BCL7C: variants seen among roughly 807,000 people sequenced by gnomAD.
BCL7C encodes the protein B-cell CLL/lymphoma 7 protein family member C.
A neutral mutation model predicts 26.2 loss-of-function variants in BCL7C; 8 were observed. That is an observed-to-expected ratio of 0.30 (90% confidence interval 0.18 to 0.55). BCL7C has a LOEUF of 0.55. BCL7C is among the 20% of genes least tolerant of loss of function. The pLI, the probability that BCL7C is intolerant of heterozygous loss-of-function variation, is 0.93. For missense variants in BCL7C, 262 were observed against 298.5 expected (o/e 0.88, Z 0.90); for synonymous variants, 90 against 116.5 (o/e 0.77, Z 1.47).
At position 30,892,623 on chromosome 16, in the gene BCL7C, A is replaced by G; in HGVS notation, c.405T>C (p.Pro135=). 6.2e-7 allele frequency: 1 copy of G among 1,603,910 alleles called. No individual in the cohort carries two copies. Among genetic ancestry groups the G allele is most frequent in the Non-Finnish European group, 8.5e-7 (1 of 1,176,214 alleles). Residue 135 remains proline (P), a synonymous_variant, in exon 4 of 6, where the codon CCT becomes CCC. Coordinates refer to ENST00000215115, the MANE Select transcript of BCL7C (RefSeq NM_004765.4). ...CCAGCCGTGGGGGCTGAGCCTCCTC[A>G]GGGACCCCTTCTGGGGGTCCGGCAG... ...VSPAGPPEGV[P]EEAQPPRLGQ...
At chr16:30,887,758 C>G (rs1310473810), downstream of BCL7C, 4 of 1,472,258 alleles carry the variant, frequency 2.7e-6, no homozygotes, top group Admixed American at 2.5e-5. Flanking sequence ...TCCAAAGACC[C>G]TCCCCAGCCC....
chr16:30,857,677 C>T (rs777234296), intron 5 of BCL7C, among the ~76,000 whole-genome samples: 6 of 151,928 alleles, frequency 3.9e-5, no homozygotes, highest in African/African-American at 1.5e-4. Flanking sequence ...TCTTGAAAAA[C>T]CATGCCTTGG....
At chr16:30,867,493 G>A (rs546139386) in intron 5 of BCL7C, among the ~76,000 whole-genome samples, 1 of 152,174 alleles carries the variant, frequency 6.6e-6, no homozygotes, top group African/African-American at 2.4e-5. Flanking sequence ...TTATCCAGGG[G>A]GGCACAATGT....
At position 30,893,331 on chromosome 16, in the gene BCL7C, G is replaced by C. The variant is rs1333519140; in HGVS notation, c.93-41C>G. ...GGGCTGGGTCAGAGAGGCCTGAGGGGAGACCCACCCCCCTAGGAGCTGGAC... is the reference window on the plus strand; with the variant it reads ...GGGCTGGGTCAGAGAGGCCTGAGGGCAGACCCACCCCCCTAGGAGCTGGAC... On this transcript the variant is annotated intron_variant, in intron 1 of 5. Transcript: ENST00000215115. This position sits in a 1 kb window ranked among gnomAD's most constrained non-coding sequence, Gnocchi z 5.2. 1 of 1,552,068 alleles carries C rather than the reference G, an allele frequency of 6.4e-7. No individual in the cohort carries two copies. Among genetic ancestry groups the C allele is most frequent in the Non-Finnish European group, 8.9e-7 (1 of 1,129,842 alleles).
At chr16:30,853,352 G>A (rs769891889) in intron 5 of BCL7C, among the ~76,000 whole-genome samples, 12 of 151,908 alleles carry the variant, frequency 7.9e-5, no homozygotes, top group Non-Finnish European at 1.3e-4. Context: ...CAAGATCATC[G>A]AGATCACTGT....
At chr16:30,879,128 T>G (rs2055000243) in intron 5 of BCL7C, among the ~76,000 whole-genome samples, 1 of 152,156 alleles carries the variant, frequency 6.6e-6, no homozygotes, top group Non-Finnish European at 1.5e-5. Flanking sequence ...GCCATCCCAG[T>G]TTGCTCAAGA....
chr16:30,856,497 T>C (rs1200656396), intron 5 of BCL7C, among the ~76,000 whole-genome samples: 2 of 150,230 alleles, frequency 1.3e-5, no homozygotes, highest in Non-Finnish European at 3.0e-5. Flanking sequence ...CCCTCCTCCC[T>C]AGGCTTTGTT....
chr16:30,848,522 A>G (rs1417402718), intron 5 of BCL7C, among the ~76,000 whole-genome samples: 1 of 152,214 alleles, frequency 6.6e-6, no homozygotes, highest in African/African-American at 2.4e-5. Context: ...CTAGGAACAA[A>G]GTAGATGGGC....
chr16:30,866,364 G>C, intron 5 of BCL7C, among the ~76,000 whole-genome samples: 1 of 152,102 alleles, frequency 6.6e-6, no homozygotes, highest in East Asian at 1.9e-4. Context: ...ATCACTTGAG[G>C]TCAGGAGTTT....
At chr16:30,886,752 G>A (rs897363216), downstream of BCL7C, among the ~76,000 whole-genome samples, 1 of 152,188 alleles carries the variant, frequency 6.6e-6, no homozygotes, top group African/African-American at 2.4e-5. Context: ...ATTGAGATGG[G>A]GATAAGTTAG....
intron 5 of BCL7C, among the ~76,000 whole-genome samples, chr16:30,850,278 G>A (rs1289523748): frequency 6.6e-6 from 1 of 151,750 alleles, no homozygotes; most frequent in Admixed American, 6.6e-5. Context: ...GGGATTACAG[G>A]CATGAGCCAC....
Position 30,834,793 on chromosome 16 carries a change from C to A in BCL7C, c.*155G>T. The A allele has an allele frequency of 1.4e-6, 1 of 697,722 alleles. No individual in the cohort carries two copies. The allele number at this position is 697,722 out of a possible 1,614,324, so 43.2% of individuals were successfully genotyped here. ...GTGGCGAGCCAGATGGGTGCTGTGGCCTTAGGTTCGGGCAGGTGTGGGGCC... is the reference window on the plus strand; with the variant it reads ...GTGGCGAGCCAGATGGGTGCTGTGGACTTAGGTTCGGGCAGGTGTGGGGCC... On this transcript the variant is annotated 3_prime_UTR_variant, in exon 6 of 6. Coordinates refer to the BCL7C transcript ENST00000380317. The surrounding 1 kb of genome is among the most constrained non-coding windows in gnomAD (Gnocchi z 4.3).
At chr16:30,867,373 G>A (rs956835211) in intron 5 of BCL7C, among the ~76,000 whole-genome samples, 4 of 152,094 alleles carry the variant, frequency 2.6e-5, no homozygotes, top group Non-Finnish European at 5.9e-5. Context: ...TTATTCTGAT[G>A]TCCTAAAATT....
rs1212637024 is a variant in BCL7C at position 30,889,016 on chromosome 16, CAG to C, written c.443-73_443-72del. On this transcript the variant is annotated intron_variant, in intron 4 of 5. Coordinates refer to ENST00000215115, the MANE Select transcript of BCL7C (RefSeq NM_004765.4). ...CCAGCAGCACAGACAGTGGGGGAAACAGATGGTCACAGGCCCCAGTCACAGAG... is the reference window on the plus strand; with the variant it reads ...CCAGCAGCACAGACAGTGGGGGAAACATGGTCACAGGCCCCAGTCACAGAG... The C allele has an allele frequency of 6.3e-6, 9 of 1,422,210 alleles. No individual in the cohort carries two copies. In the African/African-American group the frequency reaches 1.3e-4, roughly 20 times the overall value. 88.1% of individuals were successfully genotyped at this position (1,422,210 alleles called of 1,614,324 possible). A position where few individuals can be genotyped will look rare whatever the true frequency, so the allele number is the denominator to read the frequency against.
chr16:30,867,910 G>C (rs2054843129), intron 5 of BCL7C, among the ~76,000 whole-genome samples: 1 of 152,018 alleles, frequency 6.6e-6, no homozygotes, highest in Non-Finnish European at 1.5e-5. Flanking sequence ...TGGAGGGAGG[G>C]GCCTCTGGAA....
chr16:30,835,215 A>C (rs1377179081), intron 5 of BCL7C: 4 of 1,347,812 alleles, frequency 3.0e-6, no homozygotes, highest in Admixed American at 3.2e-5. Flanking sequence ...GTTTCCACCA[A>C]CTTGTCCCAT....
At chr16:30,878,229 A>G (rs1036107256) in intron 5 of BCL7C, among the ~76,000 whole-genome samples, 78 of 149,944 alleles carry the variant, frequency 5.2e-4, no homozygotes, top group African/African-American at 1.9e-3. Flanking sequence ...CATGATACCA[A>G]TGTAAAATGT....
intron 5 of BCL7C, among the ~76,000 whole-genome samples, chr16:30,867,619 C>T (rs565741308): frequency 1.7e-4 from 26 of 152,090 alleles, no homozygotes; most frequent in African/African-American, 6.3e-4. Flanking sequence ...ATGGTGAAAC[C>T]CCATCTCTAT....
At chr16:30,836,748 T>C (rs778115083) in intron 5 of BCL7C, among the ~76,000 whole-genome samples, 15 of 151,962 alleles carry the variant, frequency 9.9e-5, no homozygotes, top group Non-Finnish European at 1.6e-4. Context: ...AGTGCTGGGA[T>C]TACAGGTGTG....
Sources: gnomAD v4.1 joint callset for allele counts (sites outside exome capture counted in the v4.1 genomes callset) on GRCh38, gnomAD v4.1.1 for gene constraint, Gnocchi (gnomAD v3.1) non-coding constraint, MANE v1.5 for transcripts, NCBI Gene and HGNC (gene_info 2026-07-23, HGNC 2026-07-21) for gene names.